Variants in LTBP1 observed in about 807,000 individuals in gnomAD.
LTBP1 encodes the protein latent-transforming growth factor beta-binding protein 1.
A neutral mutation model predicts 207.6 loss-of-function variants in LTBP1; 129 were observed. The ratio of observed to expected loss-of-function variants is 0.62; its 90% CI spans 0.54 to 0.72. LTBP1 has a LOEUF of 0.72. Among genes scored for constraint, LTBP1 ranks in the 30% least tolerant of loss-of-function variants. LTBP1 has a pLI of 0.00. For synonymous variants in LTBP1, 963 were observed against 833.7 expected (o/e 1.16, Z -2.67); for missense variants, 2,281 against 2,217.2 (o/e 1.03, Z -0.58).
At chr2:33,103,624 TGTGA>T (rs879300208) in intron 3 of LTBP1, among the ~76,000 whole-genome samples, 3,660 of 140,136 alleles carry the variant, frequency 0.026, 73 homozygotes, top group Middle Eastern at 0.043. Context: ...TGTGTGTGTG[TGTGA>T]GTGTTATGCT....
chr2:33,077,704 G>GCC (rs2078161893), intron 3 of LTBP1, among the ~76,000 whole-genome samples: 1 of 152,130 alleles, frequency 6.6e-6, no homozygotes, highest in Non-Finnish European at 1.5e-5. Context: ...TTTGGGTGGG[G>GCC]ACACAGATCC....
chr2:32,983,636 A>G (rs1683103751), intron 2 of LTBP1, among the ~76,000 whole-genome samples: 1 of 152,074 alleles, frequency 6.6e-6, no homozygotes, highest in African/African-American at 2.4e-5. Context: ...CAGGGGCAGG[A>G]TTTTCCTGTG....
intron 4 of LTBP1, among the ~76,000 whole-genome samples, chr2:33,120,774 T>C (rs2081060413): frequency 6.6e-6 from 1 of 152,184 alleles, no homozygotes; most frequent in South Asian, 2.1e-4. Flanking sequence ...GCCAAACTGC[T>C]TTCCACAATG....
chr2:32,979,972 C>T lies in LTBP1; in HGVS notation c.565+31027C>T, dbSNP rs549854096. On this transcript the variant is annotated intron_variant, in intron 2 of 33. Transcript: ENST00000404816. ...ATATTTGTCTTGAAATCTATTTTGT[C>T]TGATACAAGTATAACTATTTCTCCT... 1.3e-5 allele frequency among the ~76,000 whole-genome samples: 2 copies of T among 152,162 alleles called. 1 individual carries two copies. The highest frequency in any genetic ancestry group is 4.1e-4 in the South Asian group (2 of 4,826).
intron 12 of LTBP1, among the ~76,000 whole-genome samples, chr2:33,258,182 C>A (rs74319716): frequency 0.13 from 19,664 of 152,254 alleles, 1,820 homozygotes; most frequent in African/African-American, 0.26. Context: ...GGCATTCAGG[C>A]TGTGGGGTCA....
intron 23 of LTBP1, among the ~76,000 whole-genome samples, chr2:33,311,256 A>G (rs999749294): frequency 1.3e-5 from 2 of 152,162 alleles, no homozygotes; most frequent in African/African-American, 4.8e-5. Flanking sequence ...AGATTTAAAT[A>G]TACACCTTCC....
intron 7 of LTBP1, among the ~76,000 whole-genome samples, chr2:33,216,909 A>G (rs753508852): frequency 6.6e-6 from 1 of 151,914 alleles, no homozygotes; most frequent in East Asian, 1.9e-4. Context: ...TCTAAGTCCT[A>G]CTCTTCTGCC....
At chr2:33,029,546 T>C (rs2075591979) in intron 3 of LTBP1, among the ~76,000 whole-genome samples, 1 of 152,198 alleles carries the variant, frequency 6.6e-6, no homozygotes, top group African/African-American at 2.4e-5. Context: ...TAGGGACAAC[T>C]TTCCCTTCCA....
At chr2:33,340,126 C>T (rs1336576564) in intron 24 of LTBP1, among the ~76,000 whole-genome samples, 4 of 151,854 alleles carry the variant, frequency 2.6e-5, no homozygotes, top group Non-Finnish European at 4.4e-5. Context: ...GGCGTGGTGG[C>T]GAGCGCCTGT....
chr2:33,251,133 C>T (rs2092672386), intron 10 of LTBP1, among the ~76,000 whole-genome samples: 1 of 152,188 alleles, frequency 6.6e-6, no homozygotes. Context: ...TCTGCTACTA[C>T]TGGGGCTGAG....
At chr2:33,277,791 T>G (rs1272470354) in intron 18 of LTBP1, among the ~76,000 whole-genome samples, 1 of 108,766 alleles carries the variant, frequency 9.2e-6, no homozygotes, top group African/African-American at 4.1e-5. Context: ...CTTTCTTTCT[T>G]TCTTTCTCTC....
At chr2:33,076,524 T>C (rs2078088369) in intron 3 of LTBP1, among the ~76,000 whole-genome samples, 1 of 151,988 alleles carries the variant, frequency 6.6e-6, no homozygotes, top group Admixed American at 6.6e-5. Flanking sequence ...TCATGAATTA[T>C]GTCCTAATTT....
chr2:32,998,385 A>G (rs977527775), intron 2 of LTBP1, among the ~76,000 whole-genome samples: 13 of 151,514 alleles, frequency 8.6e-5, no homozygotes, highest in African/African-American at 2.9e-4. Flanking sequence ...GCATGGTGGC[A>G]GGCGCCTGTA....
chr2:32,947,935 GGT>G, intron 1 of LTBP1, 117 bp downstream of exon 1: 1 of 921,774 alleles, frequency 1.1e-6, no homozygotes, highest in Non-Finnish European at 1.4e-6. Context: ...GCGCGCGGTG[GGT>G]CGGCTTTCTC....
intron 7 of LTBP1, among the ~76,000 whole-genome samples, chr2:33,197,903 A>G (rs563710887): frequency 6.6e-6 from 1 of 152,362 alleles, no homozygotes; most frequent in African/African-American, 2.4e-5. Flanking sequence ...AAGTGCTTCA[A>G]GATTTCCTGT....
chr2:33,004,251 A>G (rs1686448850), intron 2 of LTBP1, among the ~76,000 whole-genome samples: 1 of 152,170 alleles, frequency 6.6e-6, no homozygotes, highest in Non-Finnish European at 1.5e-5. Flanking sequence ...GAGAGATTGT[A>G]GATGAGTTTT....
chr2:33,042,655 G>T (rs939533247), intron 3 of LTBP1, among the ~76,000 whole-genome samples: 1 of 152,198 alleles, frequency 6.6e-6, no homozygotes, highest in African/African-American at 2.4e-5. Flanking sequence ...GAGGAGGCCA[G>T]ACCAATGGGA....
rs1451469142 is a variant in LTBP1 at position 33,215,049 on chromosome 2, A to G, written c.1702-2503A>G. 2.6e-5 allele frequency among the ~76,000 whole-genome samples: 4 copies of G among 152,220 alleles called. No homozygotes were observed. In the East Asian group the frequency reaches 5.8e-4, roughly 22 times the overall value. On this transcript the variant is annotated intron_variant, in intron 7 of 33. Coordinates refer to ENST00000404816, the MANE Select transcript of LTBP1 (RefSeq NM_206943.4). ...TGTTTGATTGACAGGACCGTTTACAATCTACTCCACTCACACGCCTTCTAC... is the reference window on the plus strand; with the variant it reads ...TGTTTGATTGACAGGACCGTTTACAGTCTACTCCACTCACACGCCTTCTAC...
At chr2:33,104,319 G>T (rs1433533786) in intron 3 of LTBP1, among the ~76,000 whole-genome samples, 3 of 152,130 alleles carry the variant, frequency 2.0e-5, no homozygotes, top group African/African-American at 7.2e-5. Context: ...CCACACCCCA[G>T]CCTCTGGCCT....
Sources: allele counts gnomAD v4.1 joint callset (sites outside exome capture counted in the v4.1 genomes callset), GRCh38; gene constraint gnomAD v4.1.1; transcripts MANE v1.5; gene names NCBI Gene and HGNC (gene_info 2026-07-23, HGNC 2026-07-21).